Variants in VIPR1 observed in about 807,000 individuals in gnomAD.
VIPR1 encodes the protein vasoactive intestinal peptide receptor 1, also known as vasoactive intestinal polypeptide receptor 1.
A neutral mutation model predicts 58.8 loss-of-function variants in VIPR1; 59 were observed. The observed-to-expected ratio is 1.00, with a 90% CI of 0.81 to 1.25. The LOEUF is 1.25. Among genes scored for constraint, VIPR1 ranks in the 50% most tolerant of loss-of-function variants. The pLI is 0.00. For synonymous variants in VIPR1, 251 were observed against 242.1 expected, an observed-to-expected ratio of 1.04 and a Z score of -0.34; for missense variants, 626 against 602.7, an observed-to-expected ratio of 1.04 and a Z score of -0.40.
chr3:42,529,744 G>T (rs368422394), intron 6 of VIPR1: 1 of 152,208 alleles, frequency 6.6e-6, no homozygotes, highest in Non-Finnish European at 1.5e-5. Flanking sequence ...CAGACATCTA[G>T]GCTTGATCTG....
At chr3:42,535,173 C>A in intron 11 of VIPR1, 69 bp downstream of exon 11, 2 of 1,609,286 alleles carry the variant, frequency 1.2e-6, no homozygotes, top group Non-Finnish European at 1.7e-6. Flanking sequence ...GAGTCTTGGC[C>A]CTTGCCACTG....
At chr3:42,500,160 G>A (rs1699839577), upstream of VIPR1, 1 of 152,230 alleles carries the variant, frequency 6.6e-6, no homozygotes. Context: ...CTTCCGGGGA[G>A]CAAGGCCTGC....
chr3:42,511,815 A>T (rs1700375997), intron 1 of VIPR1: 1 of 152,138 alleles, frequency 6.6e-6, no homozygotes, highest in African/African-American at 2.4e-5. Context: ...GCCACCTCTG[A>T]GATCTTCCTG....
chr3:42,533,432 G>GT (rs1379905705), intron 10 of VIPR1: 1 of 138,674 alleles, frequency 7.2e-6, no homozygotes, highest in Non-Finnish European at 1.5e-5. Context: ...GGGGGGGACG[G>GT]GGGGGGCATC....
chr3:42,527,839 G>A, intron 5 of VIPR1, 152 bp from the exon 6 acceptor site: 4 of 1,148,956 alleles, frequency 3.5e-6, no homozygotes, highest in South Asian at 3.0e-5. Context: ...GGTGGGGCTC[G>A]TATTTCAGGA....
At chr3:42,496,337 T>TGGA (rs1699761127) in intron 1 of VIPR1, among the ~76,000 whole-genome samples, 1 of 152,266 alleles carries the variant, frequency 6.6e-6, no homozygotes, top group Non-Finnish European at 1.5e-5. Context: ...ATTTACACTT[T>TGGA]TACTGCATAA....
intron 12 of VIPR1, 137 bp from the exon 13 acceptor site, chr3:42,535,953 G>A: frequency 9.0e-7 from 1 of 1,108,944 alleles, no homozygotes; most frequent in Non-Finnish European, 1.3e-6. Context: ...ACCGCCCGAG[G>A]CAGCATAGGG....
At chr3:42,525,811 C>T in intron 3 of VIPR1, 76 bp from the exon 4 acceptor site, 1 of 1,425,572 alleles carries the variant, frequency 7.0e-7, no homozygotes, top group South Asian at 1.3e-5. Context: ...AATTCTCTGC[C>T]TTGTTCCAAG....
At chr3:42,495,987 GATA>G (rs1375135960) in intron 1 of VIPR1, among the ~76,000 whole-genome samples, 1 of 151,950 alleles carries the variant, frequency 6.6e-6, no homozygotes, top group African/African-American at 2.4e-5. Context: ...GAAAATGTGA[GATA>G]ATAATGAGTG....
chr3:42,531,273 T>C, intron 7 of VIPR1, 198 bp from the exon 8 acceptor site: 1 of 638,594 alleles, frequency 1.6e-6, no homozygotes. Flanking sequence ...GACACAGCCC[T>C]TCAGGCATAC....
In VIPR1 at chr3:42,525,887, G is replaced by A; in HGVS notation, c.293G>A (p.Gly98Asp). 2 of 1,607,290 alleles carry A rather than the reference G, an allele frequency of 1.2e-6. No homozygotes were observed. Among genetic ancestry groups the A allele is most frequent in the Non-Finnish European group, 1.7e-6 (2 of 1,177,160 alleles). ...LIFKLFSSIQ[G>D]RNVSRSCTDE... Reference sequence around the variant, plus strand: ...GTCCTTGCCCCTGCCCTCCACCCAGGCCGCAATGTAAGCCGCAGCTGCACC... The same window carrying A: ...GTCCTTGCCCCTGCCCTCCACCCAGACCGCAATGTAAGCCGCAGCTGCACC... Residue 98 changes from glycine (G) to aspartate (D), a missense_variant and splice_region_variant, in exon 4 of 13, where the codon GGC (glycine) becomes GAC (aspartate). Physicochemically the swap from Gly to Asp is moderately conservative, Grantham distance 94 (BLOSUM62 -1). Coordinates refer to ENST00000325123, the MANE Select transcript of VIPR1 (RefSeq NM_004624.4).
At chr3:42,502,906 C>T (rs926380228) in intron 1 of VIPR1, 93 bp downstream of exon 1, 5 of 1,005,076 alleles carry the variant, frequency 5.0e-6, no homozygotes, top group South Asian at 4.8e-5. Flanking sequence ...GCCGTCTGTG[C>T]GCGTGTCTGT....
intron 1 of VIPR1, chr3:42,512,679 A>C: frequency 1.1e-6 from 1 of 931,476 alleles, no homozygotes; most frequent in Non-Finnish European, 1.3e-6. Context: ...GACACTGAGA[A>C]TGTCTGATTC....
upstream of VIPR1, chr3:42,501,765 G>A (rs1699876572): frequency 6.6e-6 from 1 of 152,524 alleles, no homozygotes; most frequent in East Asian, 1.9e-4. The surrounding 1 kb of genome is among the most constrained non-coding windows in gnomAD (Gnocchi z 4.8). Flanking sequence ...AATGCAGGAG[G>A]AGGACGACGT....
chr3:42,531,371 TCC>T, intron 7 of VIPR1, 98 bp from the exon 8 acceptor site: 1 of 1,270,626 alleles, frequency 7.9e-7, no homozygotes. Context: ...CTTTTCTCTC[TCC>T]CTCCCTCTCC....
At chr3:42,521,077 G>A (rs1700891530) in intron 3 of VIPR1, among the ~76,000 whole-genome samples, 1 of 152,124 alleles carries the variant, frequency 6.6e-6, no homozygotes, top group Admixed American at 6.6e-5. Context: ...TTCTCCCTGA[G>A]ACTCTGCTAA....
intron 7 of VIPR1, 136 bp downstream of exon 7, chr3:42,531,068 C>A: frequency 1.7e-6 from 2 of 1,195,818 alleles, no homozygotes; most frequent in Non-Finnish European, 2.3e-6. Flanking sequence ...AGGATATCAG[C>A]CAAGGGTCAA....
intron 1 of VIPR1, chr3:42,511,909 C>A (rs953067773): frequency 6.6e-6 from 1 of 152,196 alleles, no homozygotes; most frequent in African/African-American, 2.4e-5. Context: ...CCTGAGTAAC[C>A]CTTATGGGAA....
At chr3:42,490,536 T>G (rs1006318434) in intron 1 of VIPR1, among the ~76,000 whole-genome samples, 7 of 152,136 alleles carry the variant, frequency 4.6e-5, no homozygotes, top group Non-Finnish European at 8.8e-5. Flanking sequence ...CTCCCCTTCC[T>G]TGGCACCTGG....
Sources: gnomAD v4.1 joint callset for allele counts (sites outside exome capture counted in the v4.1 genomes callset) on GRCh38, gnomAD v4.1.1 for gene constraint, Gnocchi (gnomAD v3.1) non-coding constraint, MANE v1.5 for transcripts, NCBI Gene and HGNC (gene_info 2026-07-23, HGNC 2026-07-21) for gene names.